Variants in FIGN observed in about 807,000 individuals in gnomAD.
The protein encoded by FIGN is fidgetin, microtubule severing factor.
In FIGN, 11 loss-of-function variants were observed where a neutral mutation model predicts 51.3. The ratio of observed to expected loss-of-function variants is 0.21; its 90% CI spans 0.13 to 0.35. The LOEUF is 0.35. Among genes scored for constraint, FIGN ranks in the 10% least tolerant of loss-of-function variants. The pLI is 1.00. For synonymous variants in FIGN, 407 were observed against 363.2 expected (o/e 1.12, Z -1.37); for missense variants, 857 against 943.6 (o/e 0.91, Z 1.20).
intron 2 of FIGN, among the ~76,000 whole-genome samples, chr2:163,647,172 C>T (rs1231073380): frequency 6.6e-6 from 1 of 152,174 alleles, no homozygotes; most frequent in Non-Finnish European, 1.5e-5. Flanking sequence ...AGAAGGCCTC[C>T]TTCCAAAATT....
chr2:163,676,477 AT>A (rs1683971315), intron 2 of FIGN, among the ~76,000 whole-genome samples: 2 of 102,290 alleles, frequency 2.0e-5, no homozygotes, highest in African/African-American at 7.1e-5. Flanking sequence ...ATATATATAT[AT>A]ATATAACTAG....
intron 2 of FIGN, among the ~76,000 whole-genome samples, chr2:163,632,768 T>C (rs1410744466): frequency 6.6e-6 from 1 of 152,228 alleles, no homozygotes. Flanking sequence ...AATGAGAAGT[T>C]ACAGGCGGGT....
intron 2 of FIGN, among the ~76,000 whole-genome samples, chr2:163,634,482 C>T (rs979110347): frequency 2.6e-5 from 4 of 151,806 alleles, no homozygotes; most frequent in African/African-American, 9.7e-5. Flanking sequence ...ATTTCCTGGG[C>T]CATCTACACC....
intron 2 of FIGN, among the ~76,000 whole-genome samples, chr2:163,618,714 C>T (rs1682918885): frequency 6.6e-6 from 1 of 152,134 alleles, no homozygotes; most frequent in Non-Finnish European, 1.5e-5. Context: ...GACCAGCTCC[C>T]TCCTTGGGGC....
chr2:163,713,462 A>G (rs1239100787), intron 2 of FIGN, among the ~76,000 whole-genome samples: 1 of 152,138 alleles, frequency 6.6e-6, no homozygotes, highest in Non-Finnish European at 1.5e-5. Flanking sequence ...ACACACACAC[A>G]CACACACAGA....
intron 2 of FIGN, among the ~76,000 whole-genome samples, chr2:163,693,924 G>A (rs559095205): frequency 6.6e-6 from 1 of 152,198 alleles, no homozygotes; most frequent in East Asian, 1.9e-4. Context: ...AGCTGTTCCG[G>A]AACTTTAGAA....
chr2:163,643,932 CAAAAAAAAAA>C lies in FIGN; in HGVS notation c.26-32136_26-32127del, dbSNP rs1162234909. 7.0e-3 allele frequency among the ~76,000 whole-genome samples: 134 copies of C among 19,078 alleles called. 3 individuals are homozygous for C. The highest frequency in any genetic ancestry group is 0.014 in the Admixed American group (11 of 800). The allele number at this position is 19,078 out of a possible 152,430, so 12.5% of individuals were successfully genotyped here. A position where few individuals can be genotyped will look rare whatever the true frequency, so the allele number is the denominator to read the frequency against. ...GGGCAACAAGAGCGAAACTCTGTCT[CAAAAAAAAAA>C]AAAAAAAAAAAAAAAAGTCAGAATG... On this transcript the variant is annotated intron_variant, in intron 2 of 2. Coordinates refer to ENST00000333129, the MANE Select transcript of FIGN (RefSeq NM_018086.4).
chr2:163,630,904 C>G (rs1683135698), intron 2 of FIGN, among the ~76,000 whole-genome samples: 1 of 152,198 alleles, frequency 6.6e-6, no homozygotes, highest in South Asian at 2.1e-4. Context: ...TCGTCTTCAT[C>G]ATACTCCTCT....
At chr2:163,730,378 A>G (rs1023680300) in intron 2 of FIGN, among the ~76,000 whole-genome samples, 2 of 152,202 alleles carry the variant, frequency 1.3e-5, no homozygotes, top group African/African-American at 4.8e-5. Flanking sequence ...AAAAAAGAAG[A>G]AAATGACAAA....
At position 163,639,360 on chromosome 2, in the gene FIGN, C is replaced by A. The variant is rs1308015843; in HGVS notation, c.26-27554G>T. On this transcript the variant is annotated intron_variant, in intron 2 of 2. Transcript: ENST00000333129. ...TTAAATTTTTCAAGTAAGATCACTT[C>A]TCTGATGCATAGGTTGCAATATATA... 3.9e-5 allele frequency among the ~76,000 whole-genome samples: 6 copies of A among 152,218 alleles called. No individual in the cohort carries two copies. In the South Asian group the frequency reaches 6.2e-4, roughly 16 times the overall value.
At chr2:163,663,113 G>T (rs1375908742) in intron 2 of FIGN, among the ~76,000 whole-genome samples, 2 of 152,142 alleles carry the variant, frequency 1.3e-5, no homozygotes, top group East Asian at 1.9e-4. Context: ...TAGAGATGGG[G>T]TTTCACCATG....
intron 2 of FIGN, among the ~76,000 whole-genome samples, chr2:163,660,670 CATATATAT>C (rs147952912): frequency 7.4e-5 from 4 of 54,100 alleles, no homozygotes; most frequent in African/African-American, 1.7e-4. Flanking sequence ...TATACATATA[CATATATAT>C]ATATATACAC....
intron 2 of FIGN, among the ~76,000 whole-genome samples, chr2:163,709,555 T>G (rs1684554865): frequency 6.6e-6 from 1 of 152,076 alleles, no homozygotes; most frequent in Admixed American, 6.6e-5. Flanking sequence ...TTTTTTCTTC[T>G]CCTTTGAAAG....
chr2:163,666,121 C>T (rs928545435), intron 2 of FIGN, among the ~76,000 whole-genome samples: 1 of 152,140 alleles, frequency 6.6e-6, no homozygotes, highest in Non-Finnish European at 1.5e-5. Flanking sequence ...ATTACTCTAT[C>T]AGATTCTGGT....
At chr2:163,656,777 T>C (rs1316262765) in intron 2 of FIGN, among the ~76,000 whole-genome samples, 1 of 152,188 alleles carries the variant, frequency 6.6e-6, no homozygotes, top group African/African-American at 2.4e-5. Flanking sequence ...GGAGTTAGAT[T>C]GTCAAGAGCT....
At chr2:163,716,692 A>T (rs1380421404) in intron 2 of FIGN, among the ~76,000 whole-genome samples, 1 of 152,232 alleles carries the variant, frequency 6.6e-6, no homozygotes. Flanking sequence ...AGTAAAATAT[A>T]TAAAAAGTAA....
intron 2 of FIGN, among the ~76,000 whole-genome samples, chr2:163,631,139 C>A (rs1289109032): frequency 6.6e-6 from 1 of 152,126 alleles, no homozygotes; most frequent in Non-Finnish European, 1.5e-5. Context: ...GCAGTTCATA[C>A]CCATTTTACA....
At chr2:163,719,136 T>C (rs1684715380) in intron 2 of FIGN, among the ~76,000 whole-genome samples, 1 of 152,182 alleles carries the variant, frequency 6.6e-6, no homozygotes, top group South Asian at 2.1e-4. Context: ...CATTGTAATA[T>C]GTACAATGAA....
At position 163,722,655 on chromosome 2, in the gene FIGN, T is replaced by C. The variant is rs187133512; in HGVS notation, c.25+12248A>G. 2.0e-3 allele frequency among the ~76,000 whole-genome samples: 300 copies of C among 152,274 alleles called. 5 individuals carry two copies. The South Asian group carries it at 0.043, about 22-fold the overall frequency. On this transcript the variant is annotated intron_variant, in intron 2 of 2. Transcript: ENST00000333129. ...ATTTTAAAGATAGCATAATGTTTTT[T>C]ATAAAAGAGTTTAAAGGCTCTCCTA... is the stretch of plus-strand genomic sequence containing the variant.
Sources: allele counts gnomAD v4.1 joint callset (sites outside exome capture counted in the v4.1 genomes callset), GRCh38; gene constraint gnomAD v4.1.1; transcripts MANE v1.5; gene names NCBI Gene and HGNC (gene_info 2026-07-23, HGNC 2026-07-21).